Variants in CAPS2 observed in about 807,000 individuals in gnomAD.
CAPS2 encodes calcyphosin-2.
Under a neutral mutation model 86.5 loss-of-function variants are expected in CAPS2, and 98 were observed. The observed-to-expected ratio is 1.13, with a 90% CI of 0.96 to 1.34. The LOEUF is 1.34. Among genes scored for constraint, CAPS2 ranks in the 40% most tolerant of loss-of-function variants. The pLI is 0.00. For synonymous variants in CAPS2, 210 were observed against 225.1 expected, an observed-to-expected ratio of 0.93 and a Z score of 0.60; for missense variants, 729 against 686.8, an observed-to-expected ratio of 1.06 and a Z score of -0.69.
intron 1 of CAPS2, among the ~76,000 whole-genome samples, chr12:75,366,603 T>C (rs1366649302): frequency 2.0e-5 from 3 of 151,976 alleles, no homozygotes; most frequent in Admixed American, 2.0e-4. Flanking sequence ...CACCTCAAAG[T>C]GGATCATTCT....
intron 1 of CAPS2, chr12:75,366,992 C>G (rs1264783492): frequency 2.9e-6 from 2 of 701,614 alleles, no homozygotes; most frequent in Non-Finnish European, 5.2e-6. Flanking sequence ...ACAAAATGTC[C>G]TTTCTCTTCA....
chr12:75,380,556 A>G (rs1033621821), intron 1 of CAPS2, among the ~76,000 whole-genome samples: 1 of 152,250 alleles, frequency 6.6e-6, no homozygotes, highest in African/African-American at 2.4e-5. Context: ...ATGAAAACTA[A>G]TATAAAAAAA....
intron 14 of CAPS2, among the ~76,000 whole-genome samples, chr12:75,289,120 C>T (rs1157178119): frequency 1.3e-5 from 2 of 152,166 alleles, no homozygotes; most frequent in African/African-American, 4.8e-5. Context: ...CCCCTCCAAG[C>T]TTTCACATGT....
intron 1 of CAPS2, chr12:75,369,588 A>AT (rs1337559462): frequency 5.1e-6 from 5 of 984,792 alleles, no homozygotes; most frequent in East Asian, 1.1e-4. Context: ...ACAGAAATGA[A>AT]TGAGATTGTT....
intron 13 of CAPS2, among the ~76,000 whole-genome samples, chr12:75,291,165 T>C (rs1235280842): frequency 6.6e-6 from 1 of 151,780 alleles, no homozygotes; most frequent in Non-Finnish European, 1.5e-5. Flanking sequence ...ATTTTAGAGA[T>C]GAAGAAAGAG....
intron 1 of CAPS2, among the ~76,000 whole-genome samples, chr12:75,372,055 C>T (rs2044392756): frequency 6.6e-6 from 1 of 152,174 alleles, no homozygotes; most frequent in Admixed American, 6.5e-5. Context: ...GTCTCTGTCG[C>T]CCAGGCTGGA....
intron 11 of CAPS2, among the ~76,000 whole-genome samples, chr12:75,296,377 C>T (rs770654763): frequency 6.6e-6 from 1 of 151,932 alleles, no homozygotes; most frequent in South Asian, 2.1e-4. Flanking sequence ...CTGCAAGCTC[C>T]GCCTCCTGGG....
intron 9 of CAPS2, 43 bp from the exon 10 acceptor site, chr12:75,299,009 T>A: frequency 7.8e-7 from 1 of 1,285,658 alleles, no homozygotes; most frequent in Non-Finnish European, 1.1e-6. Context: ...AATAGAATAA[T>A]TTTTAGATGA....
Position 75,289,596 on chromosome 12 carries a change from G to A in CAPS2, c.1395+25C>T, listed in dbSNP as rs763153348. 3.2e-6 allele frequency: 5 copies of A among 1,583,148 alleles called. No individual in the cohort carries two copies. The South Asian group carries it at 5.8e-5, about 18-fold the overall frequency. The stretch of plus-strand genomic sequence containing the variant: ...ACCTAAGAATAACATATTATCTGCT[G>A]CAGAGAATTTTCTGTAGCACATACC... On this transcript the variant is annotated intron_variant, in intron 14 of 16. Transcript: ENST00000393284.
intron 1 of CAPS2, among the ~76,000 whole-genome samples, chr12:75,373,145 C>G (rs182763531): frequency 1.3e-5 from 2 of 152,310 alleles, no homozygotes; most frequent in Admixed American, 1.3e-4. Flanking sequence ...GTGGCTGTAG[C>G]CAGGTCAGCC....
chr12:75,321,231 T>C (rs373027321), intron 5 of CAPS2, among the ~76,000 whole-genome samples, 169 bp downstream of exon 5: 2 of 152,270 alleles, frequency 1.3e-5, no homozygotes, highest in Middle Eastern at 3.4e-3. Context: ...AAAAACAAAC[T>C]AGTCAATGTA....
intron 1 of CAPS2, chr12:75,360,287 C>T (rs2043484377): frequency 6.6e-6 from 1 of 152,156 alleles, no homozygotes; most frequent in African/African-American, 2.4e-5. Flanking sequence ...CAACAGTCCC[C>T]CAAAATTTTA....
At chr12:75,279,065 C>T (rs1357295111) in exon 17 of CAPS2, 4 of 1,582,112 alleles carry the variant, frequency 2.5e-6, no homozygotes, top group Non-Finnish European at 3.4e-6. Flanking sequence ...TGTTGAATGG[C>T]CTATAAAATA....
At chr12:75,362,135 T>A (rs2043637262) in intron 1 of CAPS2, among the ~76,000 whole-genome samples, 1 of 151,970 alleles carries the variant, frequency 6.6e-6, no homozygotes, top group Non-Finnish European at 1.5e-5. Flanking sequence ...AATTATCAAA[T>A]AAAGGATGTA....
intron 1 of CAPS2, chr12:75,343,957 T>A (rs1049804966): frequency 2.0e-5 from 31 of 1,573,280 alleles, no homozygotes; most frequent in Non-Finnish European, 2.6e-5. Context: ...TTGACATCTT[T>A]ATTGATTAGT....
At position 75,347,589 on chromosome 12, in the gene CAPS2, C is replaced by T. The variant is rs757062916; in HGVS notation, c.-394-24367G>A. On this transcript the variant is annotated intron_variant, in intron 1 of 5. Coordinates refer to the CAPS2 transcript ENST00000551829. Reference sequence around the variant, plus strand: ...GCATTGTTTGCATAGAATTGTTTTCCATATTTTATCTTGACATTCCTTTTC... The same window carrying T: ...GCATTGTTTGCATAGAATTGTTTTCTATATTTTATCTTGACATTCCTTTTC... 1.4e-5 allele frequency: 19 copies of T among 1,389,722 alleles called. 1 individual carries two copies. In the Admixed American group the frequency reaches 2.9e-4, roughly 21 times the overall value. 86.1% of individuals were successfully genotyped at this position (1,389,722 alleles called of 1,614,324 possible).
rs777426637 is a variant in CAPS2 at position 75,312,845 on chromosome 12, C to T, written c.659+3G>A. On this transcript the variant is annotated splice_donor_region_variant and intron_variant, in intron 7 of 16. Transcript: ENST00000393284. ...ATTTCTATTACCAGTTGCTAATTCT[C>T]ACCTAGATAAGTGGTCTATCATCAC... The T allele has an allele frequency of 1.3e-6, 2 of 1,537,028 alleles. No homozygotes were observed. Among genetic ancestry groups the T allele is most frequent in the Non-Finnish European group, 1.8e-6 (2 of 1,111,906 alleles).
chr12:75,347,629 G>T (rs961216598), intron 1 of CAPS2: 1 of 1,603,876 alleles, frequency 6.2e-7, no homozygotes, highest in Non-Finnish European at 8.5e-7. Context: ...TAGTTAGTTT[G>T]GGCCAATTCA....
chr12:75,288,828 T>A (rs1374041575), intron 14 of CAPS2, among the ~76,000 whole-genome samples: 1 of 152,086 alleles, frequency 6.6e-6, no homozygotes, highest in African/African-American at 2.4e-5. Context: ...CCCACCCTGA[T>A]GAGACTTAAT....
Sources: gnomAD v4.1 joint callset for allele counts (sites outside exome capture counted in the v4.1 genomes callset) on GRCh38, gnomAD v4.1.1 for gene constraint, MANE v1.5 for transcripts, NCBI Gene and HGNC (gene_info 2026-07-23, HGNC 2026-07-21) for gene names.